The following PHF8 variants were observed in gnomAD, a reference collection of about 807,000 sequenced individuals.
The protein encoded by PHF8 is PHD finger protein 8, also known as histone lysine demethylase PHF8.
Under a neutral mutation model 74.4 loss-of-function variants are expected in PHF8, and 9 were observed. The ratio of observed to expected loss-of-function variants is 0.12; its 90% CI spans 0.07 to 0.21. The LOEUF (loss-of-function observed/expected upper bound fraction) is 0.21. PHF8 is among the 10% of genes least tolerant of loss of function. The pLI is 1.00. For missense variants in PHF8, 478 were observed against 816.6 expected (o/e 0.59, Z 5.05); for synonymous variants, 311 against 316.6 (o/e 0.98, Z 0.19).
chrX:53,983,332 A>C (rs1206687092), intron 18 of PHF8, among the ~76,000 whole-genome samples: 1 of 112,048 alleles, frequency 8.9e-6, no homozygotes, highest in Non-Finnish European at 1.9e-5. Flanking sequence ...AGAATATATA[A>C]GGAACTCTTA....
At chrX:53,977,867 C>CAA (rs1442913859) in intron 18 of PHF8, among the ~76,000 whole-genome samples, 1 of 107,485 alleles carries the variant, frequency 9.3e-6, no homozygotes, top group Non-Finnish European at 1.9e-5. Context: ...AGGATGGTCT[C>CAA]AATCTCCTGA....
intron 2 of PHF8, among the ~76,000 whole-genome samples, chrX:54,031,888 C>T (rs1181443913): frequency 8.9e-6 from 1 of 111,740 alleles, no homozygotes; most frequent in Non-Finnish European, 1.9e-5. Flanking sequence ...AGGCCCCATC[C>T]CCAGACATCT....
intron 17 of PHF8, 87 bp from the exon 18 acceptor site, chrX:53,985,314 G>A: frequency 1.3e-6 from 1 of 763,204 alleles, no homozygotes; most frequent in Non-Finnish European, 2.0e-6. Context: ...GAGGAGGGAT[G>A]ATAGCTATGA....
intron 8 of PHF8, among the ~76,000 whole-genome samples, chrX:54,009,660 C>T (rs782587743): frequency 3.8e-5 from 4 of 106,092 alleles, no homozygotes; most frequent in South Asian, 4.3e-4. Context: ...CTGGCCAACA[C>T]GGTGAAACCC....
intron 19 of PHF8, among the ~76,000 whole-genome samples, chrX:53,958,046 T>A (rs1263646882): frequency 9.2e-6 from 1 of 108,169 alleles, no homozygotes; most frequent in African/African-American, 3.4e-5. Context: ...AAGAACTATT[T>A]TTTTTTTTTT....
At chrX:54,012,641 A>T (rs192867275) in intron 7 of PHF8, among the ~76,000 whole-genome samples, 1 of 111,488 alleles carries the variant, frequency 9.0e-6, no homozygotes, top group East Asian at 2.8e-4. Flanking sequence ...TACAAAAAAT[A>T]AAGTAAAAAA....
chrX:54,002,827 G>A, intron 8 of PHF8, 145 bp from the exon 9 acceptor site: 1 of 510,613 alleles, frequency 2.0e-6, no homozygotes, highest in Non-Finnish European at 3.6e-6. Flanking sequence ...CTCAAGGTGT[G>A]GTCCAAGGAA....
chrX:53,995,086 G>A, intron 12 of PHF8: 3 of 324,574 alleles, frequency 9.2e-6, no homozygotes, highest in South Asian at 8.3e-5. Context: ...AGGCTTGCAA[G>A]TGACAGAGCA....
chrX:53,992,090 C>T (rs1557101545), intron 14 of PHF8, among the ~76,000 whole-genome samples: 1 of 112,212 alleles, frequency 8.9e-6, no homozygotes. Context: ...CATACATATA[C>T]ACATGTGCAT....
chrX:53,953,659 CG>C (rs1557087763), intron 19 of PHF8, among the ~76,000 whole-genome samples: 7 of 86,886 alleles, frequency 8.1e-5, no homozygotes, highest in East Asian at 6.1e-4. Context: ...AAAAAAAAAG[CG>C]GGGGGGGTCC....
At chrX:53,987,198 A>G (rs2065579682) in intron 15 of PHF8, 35 bp from the exon 16 acceptor site, 1 of 926,815 alleles carries the variant, frequency 1.1e-6, no homozygotes, top group Non-Finnish European at 1.6e-6. Context: ...TTATGAAGCT[A>G]TGATTAGCAT....
chrX:53,987,601 C>A (rs1459765440), intron 15 of PHF8, among the ~76,000 whole-genome samples, 165 bp downstream of exon 15: 1 of 111,846 alleles, frequency 8.9e-6, no homozygotes, highest in Non-Finnish European at 1.9e-5. Flanking sequence ...CCCAGCTACT[C>A]AGGAGGCTGA....
At position 53,993,893 on chromosome X, in the gene PHF8, T is replaced by A; in HGVS notation, c.1334A>T (p.Gln445Leu). ...ATTGCTCGTCTTCCCAACGTTCTGT[T>A]GGAAGATGTCCTACAAGAGTGTTAG... ...REIRLVEDIF[Q>L]QNVGKTSNIF... Residue 445 changes from glutamine (Q) to leucine (L), a missense_variant, in exon 13 of 22, where the codon CAA becomes CTA. By Grantham distance (113) the Gln-to-Leu change is moderately radical. Transcript: ENST00000338154. The A allele has an allele frequency of 8.4e-7, 1 of 1,197,365 alleles. No homozygotes were observed. Among genetic ancestry groups the A allele is most frequent in the Non-Finnish European group, 1.1e-6 (1 of 883,112 alleles).
In PHF8 at chrX:53,937,142, T is replaced by C. The variant is rs2064681020; in HGVS notation, c.*2016A>G. ...CTTTGGAAAAGCATAACTCTGAGGG[T>C]AAACTTGCTTTTCATTGGAAACAAC... On this transcript the variant is annotated 3_prime_UTR_variant, in exon 22 of 22. Coordinates refer to ENST00000338154, the MANE Select transcript of PHF8 (RefSeq NM_015107.3). 1 of 105,384 alleles carries C rather than the reference T, an allele frequency of 9.5e-6. No individual in the cohort carries two copies. The highest frequency in any genetic ancestry group is 3.0e-4 in the East Asian group (1 of 3,355). The allele number at this position is 105,384 out of a possible 1,213,427, so 8.7% of individuals were successfully genotyped here.
chrX:54,028,702 C>G (rs2066308390), intron 2 of PHF8, among the ~76,000 whole-genome samples: 1 of 112,143 alleles, frequency 8.9e-6, no homozygotes, highest in South Asian at 3.7e-4. Context: ...GCTCCCTTCT[C>G]TTAGGTTTCC....
At position 53,936,922 on chromosome X, in the gene PHF8, T is replaced by C. The variant is rs964939486; in HGVS notation, c.*2236A>G. 9.0e-6 allele frequency: 1 copy of C among 110,880 alleles called. No individual in the cohort carries two copies. The highest frequency in any genetic ancestry group is 1.9e-5 in the Non-Finnish European group (1 of 52,912). The allele number at this position is 110,880 out of a possible 1,213,427, so 9.1% of individuals were successfully genotyped here. On this transcript the variant is annotated 3_prime_UTR_variant, in exon 22 of 22. Coordinates refer to ENST00000338154, the MANE Select transcript of PHF8 (RefSeq NM_015107.3). ...CTTGTTTTTAAATTGTTTGCTTTTT[T>C]TGTAAAAATATATTAAAGGTGAATA... is the stretch of plus-strand genomic sequence containing the variant.
intron 2 of PHF8, chrX:54,039,977 A>G (rs2078541347): frequency 8.9e-6 from 1 of 112,815 alleles, no homozygotes; most frequent in Non-Finnish European, 1.9e-5. Flanking sequence ...GCAACAACAA[A>G]TTTAACAGTG....
chrX:54,010,031 T>C (rs1246522790), intron 8 of PHF8, among the ~76,000 whole-genome samples: 3 of 106,216 alleles, frequency 2.8e-5, no homozygotes, highest in Non-Finnish European at 5.9e-5. Context: ...GAAAATACTA[T>C]GGCTGGGTGC....
At chrX:53,995,153 G>A in intron 12 of PHF8, 1 of 342,257 alleles carries the variant, frequency 2.9e-6, no homozygotes, top group Non-Finnish European at 5.9e-6. Flanking sequence ...CTGCCTCGTG[G>A]TATATGCCAC....
Sources: allele counts gnomAD v4.1 joint callset (sites outside exome capture counted in the v4.1 genomes callset), GRCh38; gene constraint gnomAD v4.1.1; transcripts MANE v1.5; gene names NCBI Gene and HGNC (gene_info 2026-07-23, HGNC 2026-07-21).